Variants in CWC22 observed in about 807,000 individuals in gnomAD.
The protein encoded by CWC22 is pre-mRNA-splicing factor CWC22 homolog.
CWC22 carries 53 observed loss-of-function variants against 117.2 expected under a neutral mutation model. The ratio of observed to expected loss-of-function variants is 0.45; its 90% confidence interval spans 0.36 to 0.57. The LOEUF (loss-of-function observed/expected upper bound fraction) is 0.57. CWC22 is among the 20% of genes least tolerant of loss of function. CWC22 has a pLI of 0.00. For missense variants in CWC22, 980 were observed against 1,068.8 expected (o/e 0.92, Z 1.16); for synonymous variants, 360 against 355.6 (o/e 1.01, Z -0.14).
chr2:179,958,983 C>T (rs376799832), intron 14 of CWC22, 39 bp downstream of exon 14: 214 of 1,284,448 alleles, frequency 1.7e-4, no homozygotes, highest in Non-Finnish European at 2.1e-4. Context: ...TTTTTAAAAC[C>T]AATATATACA....
At chr2:179,999,207 C>T (rs1161274225) in intron 1 of CWC22, among the ~76,000 whole-genome samples, 1 of 152,142 alleles carries the variant, frequency 6.6e-6, no homozygotes, top group African/African-American at 2.4e-5. Flanking sequence ...CTGAGTTCAA[C>T]ATATGCATGC....
At chr2:179,958,885 A>G (rs1210914585) in intron 14 of CWC22, 137 bp downstream of exon 14, 3 of 542,004 alleles carry the variant, frequency 5.5e-6, no homozygotes, top group Non-Finnish European at 1.0e-5. Context: ...TTAACTTAAA[A>G]TGATATAAAA....
chr2:179,998,725 AG>A (rs1687771745), intron 1 of CWC22, among the ~76,000 whole-genome samples: 1 of 152,040 alleles, frequency 6.6e-6, no homozygotes, highest in South Asian at 2.1e-4. Context: ...AAACATTCAT[AG>A]TAATTTTAAG....
intron 17 of CWC22, among the ~76,000 whole-genome samples, 195 bp downstream of exon 17, chr2:179,952,276 C>T (rs1197928974): frequency 2.0e-5 from 3 of 152,022 alleles, no homozygotes; most frequent in Non-Finnish European, 4.4e-5. Context: ...TTGAACTCCA[C>T]TTAAACTAAA....
At chr2:179,959,677 C>A (rs571419465) in intron 13 of CWC22, among the ~76,000 whole-genome samples, 1 of 152,184 alleles carries the variant, frequency 6.6e-6, no homozygotes, top group African/African-American at 2.4e-5. Context: ...CAGCATGTTA[C>A]TGTACTTCTG....
intron 11 of CWC22, among the ~76,000 whole-genome samples, chr2:179,968,940 TTTAA>T (rs1250447153): frequency 6.6e-6 from 1 of 152,158 alleles, no homozygotes; most frequent in Non-Finnish European, 1.5e-5. Context: ...TCTGAAATAA[TTTAA>T]TAAATATTCT....
intron 1 of CWC22, among the ~76,000 whole-genome samples, chr2:179,998,845 GTT>G (rs937130893): frequency 3.9e-5 from 6 of 152,074 alleles, no homozygotes; most frequent in Admixed American, 6.5e-5. Flanking sequence ...AAGATTTAGC[GTT>G]TTCCTTTGCT....
At chr2:179,951,698 G>A (rs887694695) in intron 17 of CWC22, among the ~76,000 whole-genome samples, 16 of 152,030 alleles carry the variant, frequency 1.1e-4, no homozygotes, top group African/African-American at 2.9e-4. Context: ...GAGAGAAGAC[G>A]AGCCTGGTCA....
At chr2:179,964,279 G>A (rs908053148) in intron 13 of CWC22, among the ~76,000 whole-genome samples, 1 of 152,092 alleles carries the variant, frequency 6.6e-6, no homozygotes, top group African/African-American at 2.4e-5. Flanking sequence ...TTTATTAGTG[G>A]CACTTAACTA....
chr2:179,987,460 CTGTG>C lies in CWC22; in HGVS notation c.96-659_96-656del, dbSNP rs146325376. Among the ~76,000 whole-genome samples, 6 of 151,174 alleles carry C rather than the reference CTGTG, an allele frequency of 4.0e-5. No homozygotes were observed. In the South Asian group the frequency reaches 1.3e-3, roughly 32 times the overall value. On this transcript the variant is annotated intron_variant, in intron 3 of 19. Transcript: ENST00000410053. Reference sequence around the variant, plus strand: ...ACAATTAAGTTATACACACAAATACCTGTGTGTGTGTGTGTCTGTGTGTAAAGAG... The same window carrying C: ...ACAATTAAGTTATACACACAAATACCTGTGTGTGTGTCTGTGTGTAAAGAG...
intron 11 of CWC22, 146 bp downstream of exon 11, chr2:179,970,355 T>C (rs970240786): frequency 5.1e-5 from 45 of 884,438 alleles, no homozygotes; most frequent in Non-Finnish European, 6.9e-5. Context: ...AAAAAAATAA[T>C]GCCCGAGGAA....
intron 5 of CWC22, among the ~76,000 whole-genome samples, chr2:179,979,192 CA>C (rs555864456): frequency 8.6e-4 from 131 of 152,200 alleles, no homozygotes; most frequent in African/African-American, 3.0e-3. Flanking sequence ...AATAGGATTA[CA>C]AAGGATACTA....
chr2:179,949,690 GAATA>G (rs781533573), intron 19 of CWC22, among the ~76,000 whole-genome samples: 2 of 151,822 alleles, frequency 1.3e-5, no homozygotes, highest in African/African-American at 2.4e-5. Context: ...GTAGAAATGT[GAATA>G]AATAAATAAG....
rs151177286 is a variant in CWC22 at position 179,994,549 on chromosome 2, C to A, written c.-113-1095G>T. Among the ~76,000 whole-genome samples, 19 of 152,268 alleles carry A rather than the reference C, an allele frequency of 1.2e-4. 1 individual carries two copies. In the East Asian group the frequency reaches 3.7e-3, roughly 29 times the overall value. ...GACATTATAAAGTGATACAGAGCGG[C>A]TGTCATTTAATGCAGATGGGGATGT... On this transcript the variant is annotated intron_variant, in intron 1 of 19. Coordinates refer to ENST00000410053, the MANE Select transcript of CWC22 (RefSeq NM_020943.3).
chr2:179,959,030 T>C lies in CWC22; in HGVS notation c.1450A>G (p.Ser484Gly). 1.3e-6 allele frequency: 2 copies of C among 1,560,376 alleles called. No homozygotes were observed. Among genetic ancestry groups the C allele is most frequent in the Non-Finnish European group, 1.7e-6 (2 of 1,146,934 alleles). The part of the protein sequence containing the change: ...HKLLKMEFPE[S>G]QTKELCNMIL... The stretch of plus-strand genomic sequence containing the variant: ...AAAAAGTATTAACATACTGTTTGGC[T>C]TTCAGGAAACTCCATTTTCAGCAAT... The change falls in exon 14 of 20, where the codon AGC becomes GGC. Residue 484 changes from serine to glycine, a missense_variant. Around this residue, in one of 3 missense-constraint regions of CWC22, gnomAD observed 559 missense variants for 602.3 expected, o/e 0.93. Transcript: ENST00000410053.
chr2:179,999,470 A>G (rs1416598062), intron 1 of CWC22, among the ~76,000 whole-genome samples: 1 of 152,218 alleles, frequency 6.6e-6, no homozygotes. Flanking sequence ...TTCATCAAGC[A>G]TTAGAAAGCA....
intron 6 of CWC22, among the ~76,000 whole-genome samples, chr2:179,976,468 G>T (rs551052756): frequency 2.7e-5 from 4 of 150,094 alleles, no homozygotes; most frequent in Non-Finnish European, 5.9e-5. Flanking sequence ...TCAACAGAGT[G>T]AAGAGATGAC....
rs1686476206 is a variant in CWC22, at chr2:179,952,467, T to G, written c.1817+4A>C. 1 of 1,552,694 alleles carries G rather than the reference T, an allele frequency of 6.4e-7. No individual in the cohort carries two copies. Among genetic ancestry groups the G allele is most frequent in the Admixed American group, 2.0e-5 (1 of 50,450 alleles). ...GAATAAAAAGTGCTTAATGGCAAAC[T>G]TACTCATCCTTTAATCTTGCATTAA... On this transcript the variant is annotated splice_donor_region_variant and intron_variant, in intron 17 of 19. Coordinates refer to ENST00000410053, the MANE Select transcript of CWC22 (RefSeq NM_020943.3).
chr2:179,948,745 A>G (rs775208871), intron 19 of CWC22, among the ~76,000 whole-genome samples: 12 of 152,190 alleles, frequency 7.9e-5, no homozygotes, highest in Non-Finnish European at 1.5e-4. Flanking sequence ...TGTTAAAGCT[A>G]TTAAGAACAA....
Sources: allele counts gnomAD v4.1 joint callset (sites outside exome capture counted in the v4.1 genomes callset), GRCh38; gene constraint gnomAD v4.1.1; regional missense constraint gnomAD v4.1.1; transcripts MANE v1.5; gene names NCBI Gene and HGNC (gene_info 2026-07-23, HGNC 2026-07-21).